P2RY8: variants seen among roughly 807,000 people sequenced by gnomAD.
The protein encoded by P2RY8 is P2Y receptor family member 8.
P2RY8 carries 6 observed loss-of-function variants against 10.0 expected under a neutral mutation model. The observed-to-expected ratio is 0.60, with a 90% CI of 0.33 to 1.19. P2RY8 has a LOEUF of 1.19. Among genes scored for constraint, P2RY8 ranks in the 50% most tolerant of loss-of-function variants. The pLI, the probability that P2RY8 is intolerant of heterozygous loss-of-function variation, is 0.04. For synonymous variants in P2RY8, 276 were observed against 252.5 expected (o/e 1.09, Z -0.88); for missense variants, 456 against 542.0 (o/e 0.84, Z 1.58).
At chrX:1,501,909 G>C (rs1360097427) in intron 1 of P2RY8, among the ~76,000 whole-genome samples, 1 of 147,390 alleles carries the variant, frequency 6.8e-6, no homozygotes, top group African/African-American at 2.5e-5. Context: ...CATTTTTATT[G>C]ATTATTATTA....
In P2RY8 at chrX:1,524,805, T is replaced by TCATC. The variant is rs756684695; in HGVS notation, c.-25+12112_-25+12115dup. On this transcript the variant is annotated intron_variant, in intron 1 of 1. Coordinates refer to ENST00000381297, the MANE Select transcript of P2RY8 (RefSeq NM_178129.5). ...TCCACTCATCCATTCATCCATCCAC[T>TCATC]CATCCATCCATCCATCCATCCATCC... is the stretch of plus-strand genomic sequence containing the variant. 6.2e-3 allele frequency among the ~76,000 whole-genome samples: 474 copies of TCATC among 76,924 alleles called. 9 individuals are homozygous for TCATC. Among genetic ancestry groups the TCATC allele is most frequent in the African/African-American group, 0.011 (233 of 20,304 alleles). The allele number at this position is 76,924 out of a possible 152,430, so 50.5% of individuals were successfully genotyped here. A position where few individuals can be genotyped will look rare whatever the true frequency, so the allele number is the denominator to read the frequency against.
chrX:1,466,615 AG>A, intron 1 of P2RY8, 33 bp from the exon 2 acceptor site: 2 of 1,539,026 alleles, frequency 1.3e-6, no homozygotes, highest in Non-Finnish European at 1.7e-6. Flanking sequence ...TGTACGGGTC[AG>A]GGGCGCAGGT....
intron 1 of P2RY8, among the ~76,000 whole-genome samples, chrX:1,511,028 A>T (rs777273132): frequency 9.6e-4 from 145 of 151,604 alleles, no homozygotes; most frequent in African/African-American, 3.5e-3. Flanking sequence ...AAATACAAAA[A>T]AATTAGCCAG....
chrX:1,487,381 T>C (rs2091996291), intron 1 of P2RY8, among the ~76,000 whole-genome samples: 1 of 151,860 alleles, frequency 6.6e-6, no homozygotes, highest in Non-Finnish European at 1.5e-5. Flanking sequence ...CGTTTTTTTG[T>C]GCACCCGTCC....
At chrX:1,493,454 A>C (rs2092085243) in intron 1 of P2RY8, among the ~76,000 whole-genome samples, 1 of 68,618 alleles carries the variant, frequency 1.5e-5, no homozygotes, top group Non-Finnish European at 3.2e-5. Flanking sequence ...AGGAAGGAGG[A>C]AGGAGGGAGG....
In P2RY8 at chrX:1,466,175, C is replaced by T; in HGVS notation, c.384G>A (p.Pro128=). The change falls in exon 2 of 2, where the codon CCG becomes CCA. Residue 128 remains proline (P), a synonymous_variant. Coordinates refer to ENST00000381297, the MANE Select transcript of P2RY8 (RefSeq NM_178129.5). Reference sequence around the variant, plus strand: ...GGCGGCGCCAGCGCTTGGAGCTGAGCGGGTACAGGACCCCCAGGAAGCGCT... The same window carrying T: ...GGCGGCGCCAGCGCTTGGAGCTGAGTGGGTACAGGACCCCCAGGAAGCGCT... The part of the protein sequence containing the change: ...SVERFLGVLY[P]LSSKRWRRRR... 1.2e-6 allele frequency: 2 copies of T among 1,612,134 alleles called. No individual in the cohort carries two copies. The highest frequency in any genetic ancestry group is 1.7e-6 in the Non-Finnish European group (2 of 1,179,268).
intron 1 of P2RY8, among the ~76,000 whole-genome samples, chrX:1,521,455 C>T (rs2092391057): frequency 6.6e-6 from 1 of 152,152 alleles, no homozygotes; most frequent in South Asian, 2.1e-4. Context: ...AATCCTTATG[C>T]TCCACTTTAA....
At chrX:1,508,460 G>T (rs1160809432) in intron 1 of P2RY8, among the ~76,000 whole-genome samples, 3 of 152,134 alleles carry the variant, frequency 2.0e-5, no homozygotes, top group Admixed American at 1.3e-4. Context: ...CAGTGCTGAG[G>T]CTGAGAAACT....
chrX:1,502,528 G>T (rs1176802324), intron 1 of P2RY8, among the ~76,000 whole-genome samples: 20 of 152,118 alleles, frequency 1.3e-4, no homozygotes, highest in Non-Finnish European at 2.8e-4. Context: ...CACGTGAGCC[G>T]CCCCTGTCCC....
intron 1 of P2RY8, among the ~76,000 whole-genome samples, chrX:1,509,056 CATCTATCTATGT>C (rs1231340181): frequency 1.3e-4 from 15 of 119,196 alleles, no homozygotes; most frequent in East Asian, 2.8e-4. Flanking sequence ...TCTATCTATG[CATCTATCTATGT>C]ATCTATCTAT....
At chrX:1,466,870 CCT>C in intron 1 of P2RY8, among the ~76,000 whole-genome samples, 1 of 141,600 alleles carries the variant, frequency 7.1e-6, no homozygotes, top group Non-Finnish European at 1.6e-5. Flanking sequence ...TTCCCTCCTT[CCT>C]TCCTTCCTTC....
At chrX:1,472,934 G>A (rs1233933973) in intron 1 of P2RY8, among the ~76,000 whole-genome samples, 1 of 133,154 alleles carries the variant, frequency 7.5e-6, no homozygotes, top group African/African-American at 2.8e-5. Context: ...ATGGATGGGC[G>A]GGTGAGTGGA....
At chrX:1,524,811 ATCC>A (rs2092428108) in intron 1 of P2RY8, among the ~76,000 whole-genome samples, 2 of 89,316 alleles carry the variant, frequency 2.2e-5, no homozygotes, top group Non-Finnish European at 5.6e-5. Flanking sequence ...CCACTCATCC[ATCC>A]ATCCATCCAT....
intron 1 of P2RY8, among the ~76,000 whole-genome samples, chrX:1,499,323 G>A (rs771601180): frequency 8.6e-5 from 13 of 151,452 alleles, no homozygotes; most frequent in African/African-American, 1.9e-4. Flanking sequence ...GTGCCACCAC[G>A]CCTGGCCAAT....
intron 1 of P2RY8, among the ~76,000 whole-genome samples, chrX:1,505,164 C>G (rs1168122859): frequency 5.2e-5 from 7 of 133,652 alleles, no homozygotes. Context: ...GGAAGAAAAT[C>G]TCATGCTCAA....
intron 1 of P2RY8, among the ~76,000 whole-genome samples, chrX:1,509,229 ATCTC>A (rs1287471339): frequency 1.4e-5 from 2 of 142,178 alleles, no homozygotes; most frequent in African/African-American, 2.5e-5. Context: ...CCATCTATTT[ATCTC>A]TCTATCATCT....
chrX:1,507,237 C>A (rs1179130648), intron 1 of P2RY8, among the ~76,000 whole-genome samples: 7 of 152,066 alleles, frequency 4.6e-5, no homozygotes, highest in Non-Finnish European at 8.8e-5. Flanking sequence ...AGTTCAGAGG[C>A]ATGATCAGGG....
rs1266549079 is a variant in P2RY8, at chrX:1,465,160, C to A, written c.*319G>T. On this transcript the variant is annotated 3_prime_UTR_variant, in exon 2 of 2. Transcript: ENST00000381297. ...CAGCCCAGCTCTACTAAAAAAAATA[C>A]AAAAATTAGCCGGGCGTGGTGACAC... 6.9e-6 allele frequency: 3 copies of A among 437,570 alleles called. No individual in the cohort carries two copies. The highest frequency in any genetic ancestry group is 5.9e-5 in the African/African-American group (3 of 50,468). The allele number at this position is 437,570 out of a possible 1,614,324, so 27.1% of individuals were successfully genotyped here.
At chrX:1,494,974 T>G (rs1324890760) in intron 1 of P2RY8, among the ~76,000 whole-genome samples, 1 of 132,938 alleles carries the variant, frequency 7.5e-6, no homozygotes, top group African/African-American at 2.5e-5. Flanking sequence ...CGCCTCGGCC[T>G]CCCAAAGTGC....
Sources: allele counts gnomAD v4.1 joint callset (sites outside exome capture counted in the v4.1 genomes callset), GRCh38; gene constraint gnomAD v4.1.1; transcripts MANE v1.5; gene names NCBI Gene and HGNC (gene_info 2026-07-23, HGNC 2026-07-21).